The following KDM6A variants were observed in gnomAD, a reference collection of about 807,000 sequenced individuals.
KDM6A encodes the protein lysine demethylase 6A, also known as lysine-specific demethylase 6A.
Under a neutral mutation model 117.6 loss-of-function variants are expected in KDM6A, and 11 were observed. The ratio of observed to expected loss-of-function variants is 0.09; its 90% CI spans 0.06 to 0.15. The LOEUF (loss-of-function observed/expected upper bound fraction) is 0.15. Among genes scored for constraint, KDM6A ranks in the 10% least tolerant of loss-of-function variants. The probability of loss-of-function intolerance (pLI) is 1.00; values close to 1 mark genes in which losing one functional copy is unlikely to be tolerated. For missense variants in KDM6A, 799 were observed against 1,077.3 expected (o/e 0.74, Z 3.62); for synonymous variants, 384 against 396.1 (o/e 0.97, Z 0.36).
chrX:45,103,352 C>A (rs923351523), intron 27 of KDM6A, among the ~76,000 whole-genome samples: 10 of 111,033 alleles, frequency 9.0e-5, no homozygotes, highest in African/African-American at 3.3e-4. Context: ...CTTCCCCCAA[C>A]TCTTTTTCCT....
At chrX:45,009,122 C>T (rs766807201) in intron 4 of KDM6A, among the ~76,000 whole-genome samples, 228 of 111,884 alleles carry the variant, frequency 2.0e-3, no homozygotes, top group Non-Finnish European at 2.9e-3. Flanking sequence ...AGAAAGAATT[C>T]GAGGATAATC....
chrX:44,910,469 T>C (rs959167972), intron 2 of KDM6A, among the ~76,000 whole-genome samples: 2 of 108,007 alleles, frequency 1.9e-5, no homozygotes, highest in African/African-American at 6.7e-5. Flanking sequence ...AACTTTTTTT[T>C]TTCTTTAGCT....
chrX:44,913,774 A>T (rs1262666560), intron 2 of KDM6A, among the ~76,000 whole-genome samples: 2 of 110,970 alleles, frequency 1.8e-5, no homozygotes, highest in African/African-American at 6.5e-5. Context: ...ACGCACACAC[A>T]CATATATTCC....
intron 27 of KDM6A, among the ~76,000 whole-genome samples, chrX:45,097,601 A>T (rs1467067009): frequency 9.0e-6 from 1 of 111,609 alleles, no homozygotes; most frequent in Non-Finnish European, 1.9e-5. Context: ...AGGGATTATG[A>T]ACCTGTATTT....
At chrX:44,928,597 C>A (rs2036438512) in intron 2 of KDM6A, among the ~76,000 whole-genome samples, 1 of 111,854 alleles carries the variant, frequency 8.9e-6, no homozygotes, top group Non-Finnish European at 1.9e-5. Context: ...AAAGCAGATA[C>A]AACCGCAAAC....
chrX:44,993,989 A>G (rs913136287), intron 4 of KDM6A, among the ~76,000 whole-genome samples: 8 of 111,930 alleles, frequency 7.1e-5, no homozygotes, highest in African/African-American at 2.6e-4. Flanking sequence ...TTCAGCCACT[A>G]CATCTTCAAA....
chrX:45,093,381 A>C (rs5952676), intron 27 of KDM6A, among the ~76,000 whole-genome samples: 5,128 of 107,068 alleles, frequency 0.048, 367 homozygotes, highest in African/African-American at 0.16. Context: ...TCTCAAAAAA[A>C]AAACAAACAA....
chrX:44,898,049 C>T (rs1318871548), intron 2 of KDM6A, among the ~76,000 whole-genome samples: 1 of 111,741 alleles, frequency 8.9e-6, no homozygotes, highest in Non-Finnish European at 1.9e-5. Flanking sequence ...CCCTTACCCT[C>T]ACATCTTCCT....
In KDM6A at chrX:44,911,162, G is replaced by A. The variant is rs1259689826; in HGVS notation, c.225+37175G>A. On this transcript the variant is annotated intron_variant, in intron 2 of 29. Coordinates refer to ENST00000611820, the MANE Select transcript of KDM6A (RefSeq NM_001291415.2). The stretch of plus-strand genomic sequence containing the variant: ...TCCCTCCCGGACGGGGCGGCTGGCC[G>A]GGCGGGGGCTGCCCCCCACCTCCCG... 7.4e-5 allele frequency among the ~76,000 whole-genome samples: 8 copies of A among 107,653 alleles called. 1 individual carries two copies. Among genetic ancestry groups the A allele is most frequent in the African/African-American group, 1.7e-4 (5 of 29,647 alleles). The allele number at this position is 107,653 out of a possible 115,157, so 93.5% of individuals were successfully genotyped here.
intron 2 of KDM6A, among the ~76,000 whole-genome samples, chrX:44,911,917 C>A (rs2146798973): frequency 9.3e-6 from 1 of 108,080 alleles, no homozygotes; most frequent in East Asian, 3.0e-4. Context: ...ATCGCAGGCG[C>A]TTGGCAGGTT....
At chrX:44,894,644 CTTGTT>C (rs965324847) in intron 2 of KDM6A, among the ~76,000 whole-genome samples, 10 of 102,490 alleles carry the variant, frequency 9.8e-5, no homozygotes, top group African/African-American at 3.5e-4. Context: ...TTGAGACAGT[CTTGTT>C]TTGTCCCCCA....
chrX:45,054,153 G>A (rs184877819), intron 10 of KDM6A, among the ~76,000 whole-genome samples, 198 bp downstream of exon 10: 4 of 111,815 alleles, frequency 3.6e-5, no homozygotes, highest in Non-Finnish European at 5.7e-5. Context: ...GCATAATCTG[G>A]TCTAGCAGGA....
rs17147079 is a variant in KDM6A, at chrX:45,062,052, A to G, written c.1582-595A>G. Reference sequence around the variant, plus strand: ...ATTTCCTATCTATCATTCCAGAGGTATGTTATGTATGTACAAGCAAATATA... The same window carrying G: ...ATTTCCTATCTATCATTCCAGAGGTGTGTTATGTATGTACAAGCAAATATA... On this transcript the variant is annotated intron_variant, in intron 15 of 29. Coordinates refer to ENST00000611820, the MANE Select transcript of KDM6A (RefSeq NM_001291415.2). Among the ~76,000 whole-genome samples, 813 of 110,455 alleles carry G rather than the reference A, an allele frequency of 7.4e-3. 14 individuals carry two copies. The highest frequency in any genetic ancestry group is 0.026 in the African/African-American group (781 of 30,448).
At chrX:44,936,267 A>G (rs1343209727) in intron 2 of KDM6A, among the ~76,000 whole-genome samples, 1 of 111,123 alleles carries the variant, frequency 9.0e-6, no homozygotes, top group African/African-American at 3.3e-5. Context: ...ATGCAGGACA[A>G]GCGCCTCCTT....
At chrX:45,101,769 ATAACT>A (rs2046346307) in intron 27 of KDM6A, among the ~76,000 whole-genome samples, 1 of 112,128 alleles carries the variant, frequency 8.9e-6, no homozygotes, top group South Asian at 3.7e-4. Context: ...TTCAAATTAA[ATAACT>A]TTAATTTAGT....
At chrX:44,955,875 T>A (rs1413938919) in intron 2 of KDM6A, among the ~76,000 whole-genome samples, 3 of 111,694 alleles carry the variant, frequency 2.7e-5, no homozygotes, top group Admixed American at 9.5e-5. Flanking sequence ...CCAAGGATAT[T>A]TTTTTAAAAA....
chrX:44,911,132 C>T (rs1454822118), intron 2 of KDM6A, among the ~76,000 whole-genome samples: 2 of 106,958 alleles, frequency 1.9e-5, no homozygotes, highest in African/African-American at 6.8e-5. Flanking sequence ...GGGCTGGCCC[C>T]CACCTCCCTC....
Position 45,034,976 on chromosome X carries a change from A to G in KDM6A, c.610A>G (p.Asn204Asp). ...TGACTGTAATCCCTGCACTTTGTCC[A>G]ATGCTGAAAGTAAGTATTATTAAGT... ...LVDCNPCTLS[N>D]AEIQFHIAHL... Residue 204 changes from asparagine (N) to aspartate (D), a missense_variant, in exon 7 of 30, where the codon AAT becomes GAT. Transcript: ENST00000611820. 1 of 1,193,900 alleles carries G rather than the reference A, an allele frequency of 8.4e-7. No individual in the cohort carries two copies. The highest frequency in any genetic ancestry group is 1.1e-6 in the Non-Finnish European group (1 of 879,199).
intron 2 of KDM6A, among the ~76,000 whole-genome samples, chrX:44,879,018 G>A (rs1219287476): frequency 2.7e-5 from 3 of 111,357 alleles, no homozygotes; most frequent in Non-Finnish European, 5.6e-5. Context: ...CGCCGCACCT[G>A]GCCAATATCT....
Sources: allele counts gnomAD v4.1 joint callset (sites outside exome capture counted in the v4.1 genomes callset), GRCh38; gene constraint gnomAD v4.1.1; transcripts MANE v1.5; gene names NCBI Gene and HGNC (gene_info 2026-07-23, HGNC 2026-07-21).